MGAT4C: variants seen among roughly 807,000 people sequenced by gnomAD.
MGAT4C encodes MGAT4 family member C, also known as alpha-1,3-mannosyl-glycoprotein 4-beta-N-acetylglucosaminyltransferase C.
MGAT4C carries 19 observed loss-of-function variants against 40.1 expected under a neutral mutation model. The ratio of observed to expected loss-of-function variants is 0.47; its 90% confidence interval spans 0.33 to 0.70. The LOEUF (loss-of-function observed/expected upper bound fraction) is 0.70, where lower values mean the gene tolerates loss of function less well. Ranked by LOEUF, MGAT4C falls within the 30% of genes least tolerant of loss-of-function variation. The pLI is 0.02. For missense variants in MGAT4C, 491 were observed against 563.2 expected, an observed-to-expected ratio of 0.87 and a Z score of 1.30; for synonymous variants, 181 against 187.1, an observed-to-expected ratio of 0.97 and a Z score of 0.27.
At chr12:86,516,048 T>C (rs188290649) in intron 2 of MGAT4C, among the ~76,000 whole-genome samples, 27 of 152,136 alleles carry the variant, frequency 1.8e-4, no homozygotes, top group African/African-American at 5.8e-4. Context: ...CCGGCCCATT[T>C]AAAGCAATTC....
chr12:86,356,215 C>T (rs1955306236), intron 3 of MGAT4C, among the ~76,000 whole-genome samples: 1 of 152,112 alleles, frequency 6.6e-6, no homozygotes, highest in Admixed American at 6.6e-5. Flanking sequence ...AATACAGTAA[C>T]ACCAACACCA....
At chr12:86,472,693 C>T (rs1297738402) in intron 2 of MGAT4C, among the ~76,000 whole-genome samples, 1 of 151,904 alleles carries the variant, frequency 6.6e-6, no homozygotes, top group East Asian at 1.9e-4. Context: ...AAATACTTTC[C>T]AGTACAAACT....
intron 4 of MGAT4C, among the ~76,000 whole-genome samples, chr12:86,275,013 G>A (rs569704415): frequency 1.3e-5 from 2 of 152,232 alleles, no homozygotes; most frequent in East Asian, 3.9e-4. Flanking sequence ...ATTGCCACTC[G>A]GGTTTTGGGA....
intron 2 of MGAT4C, among the ~76,000 whole-genome samples, chr12:86,580,485 A>G (rs559298227): frequency 4.0e-5 from 6 of 151,484 alleles, no homozygotes; most frequent in Non-Finnish European, 8.9e-5. Flanking sequence ...TAATGCATGA[A>G]AAAATGCCTG....
chr12:86,766,069 T>G (rs1044003824), intron 1 of MGAT4C, among the ~76,000 whole-genome samples: 1 of 152,110 alleles, frequency 6.6e-6, no homozygotes, highest in South Asian at 2.1e-4. Context: ...AGACACAGAC[T>G]GGCAAATTGG....
intron 3 of MGAT4C, among the ~76,000 whole-genome samples, chr12:86,376,752 A>G (rs763337364): frequency 6.6e-6 from 1 of 150,652 alleles, no homozygotes; most frequent in Admixed American, 6.6e-5. Context: ...CTCCCCATGT[A>G]CGTACCTACA....
At position 86,779,712 on chromosome 12, in the gene MGAT4C, G is replaced by C. The variant is rs187624398; in HGVS notation, c.-261-52471C>G. Among the ~76,000 whole-genome samples, 189 of 152,206 alleles carry C rather than the reference G, an allele frequency of 1.2e-3. 3 individuals are homozygous for C. Among genetic ancestry groups the C allele is most frequent in the Admixed American group, 0.011 (174 of 15,298 alleles). ...GCGGATCACGAGGTCAGGAGATGGA[G>C]ACCATCCTGGCTAACGCGGTGAAAC... On this transcript the variant is annotated intron_variant, in intron 1 of 7. Coordinates refer to the MGAT4C transcript ENST00000548651.
At chr12:86,118,910 T>C (rs1878889775) in intron 1 of MGAT4C, among the ~76,000 whole-genome samples, 1 of 152,120 alleles carries the variant, frequency 6.6e-6, no homozygotes. Context: ...TTATGTAGAT[T>C]CAAAATGATA....
chr12:86,298,419 C>G (rs189611655), intron 4 of MGAT4C, among the ~76,000 whole-genome samples: 3 of 152,164 alleles, frequency 2.0e-5, no homozygotes, highest in African/African-American at 7.2e-5. Context: ...TGCAATCTTT[C>G]TGAAAACCGA....
chr12:86,421,755 C>T (rs1324955854), intron 3 of MGAT4C, among the ~76,000 whole-genome samples: 4 of 152,020 alleles, frequency 2.6e-5, no homozygotes, highest in East Asian at 1.9e-4. Flanking sequence ...CCAGCCTGGG[C>T]GACAAGAGAG....
intron 1 of MGAT4C, among the ~76,000 whole-genome samples, chr12:86,231,748 A>T (rs997426077): frequency 6.6e-6 from 1 of 152,194 alleles, no homozygotes; most frequent in Non-Finnish European, 1.5e-5. Flanking sequence ...GCATTTGTAT[A>T]GAAATTTATT....
intron 1 of MGAT4C, among the ~76,000 whole-genome samples, chr12:86,184,545 C>G (rs576291059): frequency 7.9e-5 from 12 of 151,900 alleles, no homozygotes; most frequent in African/African-American, 2.4e-4. Flanking sequence ...TGTGAGGCTA[C>G]AGAGAGGGGT....
At chr12:86,421,361 T>C (rs902650924) in intron 3 of MGAT4C, among the ~76,000 whole-genome samples, 3 of 152,222 alleles carry the variant, frequency 2.0e-5, no homozygotes, top group Non-Finnish European at 2.9e-5. Context: ...TCTTTACATA[T>C]TGATTGATTG....
intron 3 of MGAT4C, among the ~76,000 whole-genome samples, chr12:86,427,076 A>G (rs1314551929): frequency 6.6e-6 from 1 of 152,178 alleles, no homozygotes; most frequent in Non-Finnish European, 1.5e-5. Flanking sequence ...GGAAGGAGGT[A>G]TTGGGGAAAG....
At chr12:86,400,023 GAC>G (rs1264289215) in intron 3 of MGAT4C, among the ~76,000 whole-genome samples, 6 of 152,170 alleles carry the variant, frequency 3.9e-5, no homozygotes, top group African/African-American at 9.7e-5. Context: ...GTTCAGGGGA[GAC>G]AGTGTTGTGT....
chr12:86,148,722 T>C (rs552143871), intron 1 of MGAT4C, among the ~76,000 whole-genome samples: 167 of 152,282 alleles, frequency 1.1e-3, no homozygotes, highest in Admixed American at 1.6e-3. Flanking sequence ...CATAAACACT[T>C]TACCATTATA....
At chr12:86,298,340 T>C (rs561520406) in intron 4 of MGAT4C, among the ~76,000 whole-genome samples, 1 of 152,258 alleles carries the variant, frequency 6.6e-6, no homozygotes, top group Non-Finnish European at 1.5e-5. Flanking sequence ...AATGGGATAA[T>C]ATTTATTTCT....
intron 2 of MGAT4C, among the ~76,000 whole-genome samples, chr12:86,503,917 T>G (rs987900163): frequency 2.0e-5 from 3 of 148,670 alleles, no homozygotes; most frequent in Admixed American, 1.4e-4. Flanking sequence ...CTTTTGAAAT[T>G]TATATATTCA....
chr12:86,506,263 C>A (rs1413274767), intron 2 of MGAT4C, among the ~76,000 whole-genome samples: 1 of 152,098 alleles, frequency 6.6e-6, no homozygotes, highest in Admixed American at 6.6e-5. Flanking sequence ...CAAGTGCTAT[C>A]CCCAGCTGAT....
Sources: allele counts gnomAD v4.1 joint callset (sites outside exome capture counted in the v4.1 genomes callset), GRCh38; gene constraint gnomAD v4.1.1; transcripts MANE v1.5; gene names NCBI Gene and HGNC (gene_info 2026-07-23, HGNC 2026-07-21).